SCFD2: variants seen among roughly 807,000 people sequenced by gnomAD.
The protein encoded by SCFD2 is sec1 family domain containing 2, also known as sec1 family domain-containing protein 2.
In SCFD2, 54 loss-of-function variants were observed where a neutral mutation model predicts 58.9. The observed-to-expected ratio is 0.92, with a 90% CI of 0.74 to 1.15. The LOEUF (loss-of-function observed/expected upper bound fraction) is 1.15. Among genes scored for constraint, SCFD2 ranks in the 50% most tolerant of loss-of-function variants. The pLI, the probability that SCFD2 is intolerant of heterozygous loss-of-function variation, is 0.00. For synonymous variants in SCFD2, 321 were observed against 335.9 expected (o/e 0.96, Z 0.49); for missense variants, 805 against 836.6 (o/e 0.96, Z 0.47).
chr4:53,359,516 A>C (rs922314378), intron 1 of SCFD2, among the ~76,000 whole-genome samples: 22 of 152,204 alleles, frequency 1.4e-4, no homozygotes, highest in Admixed American at 1.1e-3. Context: ...GCTTGAAGTC[A>C]GGTATTTGAG....
At chr4:52,947,715 A>C (rs1472406134) in intron 5 of SCFD2, among the ~76,000 whole-genome samples, 2 of 152,068 alleles carry the variant, frequency 1.3e-5, no homozygotes, top group African/African-American at 4.8e-5. Flanking sequence ...TTCGCAAAAA[A>C]ACGATATAAA....
At chr4:52,971,827 A>C (rs1161754458) in intron 5 of SCFD2, among the ~76,000 whole-genome samples, 1 of 152,200 alleles carries the variant, frequency 6.6e-6, no homozygotes, top group Non-Finnish European at 1.5e-5. Flanking sequence ...CTCCGCAGAA[A>C]CTCTACAAGC....
intron 5 of SCFD2, among the ~76,000 whole-genome samples, chr4:52,958,251 G>C (rs1218863522): frequency 3.3e-5 from 5 of 152,176 alleles, no homozygotes; most frequent in Non-Finnish European, 7.3e-5. Context: ...TTATTGCAAG[G>C]TTATGAACTT....
intron 4 of SCFD2, among the ~76,000 whole-genome samples, chr4:53,179,248 G>A (rs2148945637): frequency 6.6e-6 from 1 of 152,300 alleles, no homozygotes; most frequent in Non-Finnish European, 1.5e-5. Flanking sequence ...GGCAGCCAGA[G>A]AGAAAGGTTG....
intron 5 of SCFD2, among the ~76,000 whole-genome samples, chr4:52,966,006 G>T (rs1393576525): frequency 6.6e-6 from 1 of 152,144 alleles, no homozygotes; most frequent in Non-Finnish European, 1.5e-5. Flanking sequence ...GATTGATAAA[G>T]ACTTTCTTGG....
chr4:53,195,304 G>A (rs1460576146), intron 4 of SCFD2, among the ~76,000 whole-genome samples: 5 of 152,088 alleles, frequency 3.3e-5, no homozygotes, highest in East Asian at 1.9e-4. Context: ...GTATGTTATC[G>A]GTCAGAGACA....
chr4:53,266,563 A>AAGGAAT (rs1277430420), intron 4 of SCFD2, among the ~76,000 whole-genome samples: 16 of 152,348 alleles, frequency 1.1e-4, no homozygotes, highest in Non-Finnish European at 2.1e-4. Context: ...TACTACAAGA[A>AAGGAAT]AGGAATTCTT....
intron 2 of SCFD2, among the ~76,000 whole-genome samples, chr4:53,346,737 C>A (rs1734069105): frequency 6.6e-6 from 1 of 152,108 alleles, no homozygotes; most frequent in Non-Finnish European, 1.5e-5. Flanking sequence ...AGTGTTCTGG[C>A]ATTTTAATAG....
At chr4:53,099,953 T>C (rs1349815658) in intron 5 of SCFD2, among the ~76,000 whole-genome samples, 3 of 152,140 alleles carry the variant, frequency 2.0e-5, no homozygotes, top group Admixed American at 1.3e-4. Context: ...GAATTGAACC[T>C]CATTCTAGTT....
At chr4:53,353,002 G>C (rs1231837888) in intron 1 of SCFD2, among the ~76,000 whole-genome samples, 1 of 152,188 alleles carries the variant, frequency 6.6e-6, no homozygotes, top group Non-Finnish European at 1.5e-5. Context: ...GCTGTGGCTA[G>C]TACTGTATCC....
intron 4 of SCFD2, among the ~76,000 whole-genome samples, chr4:53,229,806 A>G (rs1225512969): frequency 6.6e-6 from 1 of 152,228 alleles, no homozygotes; most frequent in African/African-American, 2.4e-5. Context: ...CTGCGCAGCA[A>G]AAGAAACTAC....
chr4:53,177,685 C>A (rs1459098843), intron 4 of SCFD2, among the ~76,000 whole-genome samples: 1 of 152,128 alleles, frequency 6.6e-6, no homozygotes, highest in Non-Finnish European at 1.5e-5. Context: ...GGGTGCAGCG[C>A]ACCGTGTGCG....
At chr4:53,115,165 T>C (rs144894563) in intron 5 of SCFD2, among the ~76,000 whole-genome samples, 1,734 of 152,232 alleles carry the variant, frequency 0.011, 18 homozygotes, top group Middle Eastern at 0.034. Flanking sequence ...GTAAGTGGTC[T>C]ACACACACAA....
At chr4:52,891,849 C>T (rs1221203496) in intron 7 of SCFD2, among the ~76,000 whole-genome samples, 3 of 152,202 alleles carry the variant, frequency 2.0e-5, no homozygotes, top group South Asian at 2.1e-4. Context: ...GTCCCCCCTG[C>T]CCTCCACTTT....
chr4:52,999,305 A>G (rs566808242), intron 5 of SCFD2, among the ~76,000 whole-genome samples: 1 of 152,300 alleles, frequency 6.6e-6, no homozygotes. Context: ...ATGACCATGA[A>G]TCTACTCAAA....
chr4:53,157,911 T>C (rs1726737294), intron 4 of SCFD2, among the ~76,000 whole-genome samples: 1 of 152,230 alleles, frequency 6.6e-6, no homozygotes, highest in Non-Finnish European at 1.5e-5. Context: ...ATTAGCTCCC[T>C]GGATCAGAGC....
At chr4:52,976,011 T>C (rs976466330) in intron 5 of SCFD2, among the ~76,000 whole-genome samples, 2 of 100,358 alleles carry the variant, frequency 2.0e-5, no homozygotes, top group East Asian at 7.3e-4. Context: ...CATCACACAC[T>C]GGGGCCTGTT....
rs1725095465 is a variant in SCFD2 at position 53,109,205 on chromosome 4, TA to T, written c.1561+36127del. Among the ~76,000 whole-genome samples the T allele has an allele frequency of 2.0e-5, 3 of 152,122 alleles. No homozygotes were observed. In the South Asian group the frequency reaches 6.2e-4, roughly 32 times the overall value. ...AAACTCTCCATAAACTAGGTATTGA[TA>T]AAAAGTATCTCAAAATAATGAGAGC... On this transcript the variant is annotated intron_variant, in intron 5 of 8. Transcript: ENST00000401642.
chr4:53,154,424 A>T (rs761274777), intron 4 of SCFD2, among the ~76,000 whole-genome samples: 1 of 152,198 alleles, frequency 6.6e-6, no homozygotes, highest in Non-Finnish European at 1.5e-5. Context: ...ATAAACTCTG[A>T]GCAAGAACTC....
Sources: gnomAD v4.1 joint callset for allele counts (sites outside exome capture counted in the v4.1 genomes callset) on GRCh38, gnomAD v4.1.1 for gene constraint, MANE v1.5 for transcripts, NCBI Gene and HGNC (gene_info 2026-07-23, HGNC 2026-07-21) for gene names.